ADGRL3: variants seen among roughly 807,000 people sequenced by gnomAD.
ADGRL3 encodes adhesion G protein-coupled receptor L3.
ADGRL3 carries 62 observed loss-of-function variants against 153.5 expected under a neutral mutation model. That is an observed-to-expected ratio of 0.40 (90% CI 0.33 to 0.50). ADGRL3 has a LOEUF of 0.50. Ranked by LOEUF, ADGRL3 falls within the 20% of genes least tolerant of loss-of-function variation. ADGRL3 has a pLI of 0.47. For synonymous variants in ADGRL3, 710 were observed against 672.5 expected (o/e 1.06, Z -0.86); for missense variants, 1,641 against 1,859.4 (o/e 0.88, Z 2.16).
chr4:61,981,595 A>G (rs2099068624), intron 18 of ADGRL3, among the ~76,000 whole-genome samples: 1 of 152,172 alleles, frequency 6.6e-6, no homozygotes, highest in Non-Finnish European at 1.5e-5. Context: ...AGAAAATATA[A>G]ATAATAGACA....
intron 8 of ADGRL3, among the ~76,000 whole-genome samples, chr4:61,801,950 T>A (rs925544855): frequency 6.6e-6 from 1 of 152,168 alleles, no homozygotes; most frequent in Non-Finnish European, 1.5e-5. Flanking sequence ...ATTTACCATG[T>A]TTTTTATTTG....
At chr4:61,245,677 T>C (rs564125617) in intron 1 of ADGRL3, among the ~76,000 whole-genome samples, 199 of 152,266 alleles carry the variant, frequency 1.3e-3, no homozygotes, top group Non-Finnish European at 2.1e-3. Context: ...GTTGCCAGTC[T>C]CAAAATGCAG....
At chr4:61,368,402 G>A (rs1312402079) in intron 1 of ADGRL3, among the ~76,000 whole-genome samples, 1 of 152,118 alleles carries the variant, frequency 6.6e-6, no homozygotes, top group Admixed American at 6.5e-5. Flanking sequence ...ATTGATTTTT[G>A]TATAAGGTGT....
At chr4:61,448,331 G>A (rs537400954) in intron 2 of ADGRL3, among the ~76,000 whole-genome samples, 3 of 152,232 alleles carry the variant, frequency 2.0e-5, no homozygotes, top group South Asian at 4.2e-4. Flanking sequence ...AGTGGAGATA[G>A]GAACAATAAT....
At chr4:61,440,832 A>G (rs1419232920) in intron 2 of ADGRL3, among the ~76,000 whole-genome samples, 2 of 152,220 alleles carry the variant, frequency 1.3e-5, no homozygotes, top group Non-Finnish European at 2.9e-5. Context: ...GACACCAACA[A>G]TAATAACAGA....
At chr4:61,775,707 G>A (rs1030294056) in intron 8 of ADGRL3, 3 of 1,303,794 alleles carry the variant, frequency 2.3e-6, no homozygotes, top group Non-Finnish European at 3.3e-6. Context: ...GCACACAAAG[G>A]TGGGCTTGGT....
intron 4 of ADGRL3, among the ~76,000 whole-genome samples, chr4:61,564,453 T>C (rs897194753): frequency 6.6e-6 from 1 of 152,154 alleles, no homozygotes; most frequent in Non-Finnish European, 1.5e-5. Context: ...TTCTGTATTT[T>C]TTGTAGAGAT....
intron 19 of ADGRL3, among the ~76,000 whole-genome samples, chr4:61,993,496 T>C (rs921910276): frequency 6.6e-6 from 1 of 151,748 alleles, no homozygotes; most frequent in Non-Finnish European, 1.5e-5. Context: ...TTCACCATGT[T>C]GGCCAGACTG....
intron 22 of ADGRL3, among the ~76,000 whole-genome samples, chr4:62,029,927 A>G (rs1721047578): frequency 6.6e-6 from 1 of 151,532 alleles, no homozygotes; most frequent in Non-Finnish European, 1.5e-5. Flanking sequence ...GAAAGTTAGT[A>G]TACTTCTGAA....
At chr4:61,805,735 G>T (rs1358019195) in intron 8 of ADGRL3, among the ~76,000 whole-genome samples, 1 of 151,874 alleles carries the variant, frequency 6.6e-6, no homozygotes, top group Non-Finnish European at 1.5e-5. Flanking sequence ...GTATTATTTT[G>T]GAAAAATAAA....
At chr4:61,613,898 C>T (rs965275067) in intron 5 of ADGRL3, among the ~76,000 whole-genome samples, 24 of 152,076 alleles carry the variant, frequency 1.6e-4, no homozygotes, top group Non-Finnish European at 2.9e-4. Flanking sequence ...CTGCTGCGTG[C>T]AAGATTCCAA....
chr4:61,815,741 G>A (rs1164105919), intron 9 of ADGRL3, among the ~76,000 whole-genome samples: 2 of 152,166 alleles, frequency 1.3e-5, no homozygotes, highest in African/African-American at 4.8e-5. Flanking sequence ...CCTAATGAAT[G>A]GATTGATGAC....
intron 1 of ADGRL3, among the ~76,000 whole-genome samples, chr4:61,294,481 AGGCT>A (rs1213529636): frequency 5.9e-5 from 9 of 152,138 alleles, no homozygotes; most frequent in Admixed American, 3.9e-4. Flanking sequence ...TTTTCAACTT[AGGCT>A]GGGTTTATTG....
chr4:61,867,515 C>CATATATATATATATATATATATATATAT lies in ADGRL3; in HGVS notation c.1481-25116_1481-25115insTATATATATATATATATATATATATATA, dbSNP rs3065826. 8.7e-3 allele frequency among the ~76,000 whole-genome samples: 702 copies of CATATATATATATATATATATATATATAT among 80,590 alleles called. 42 individuals are homozygous for CATATATATATATATATATATATATATAT. Among genetic ancestry groups the CATATATATATATATATATATATATATAT allele is most frequent in the Non-Finnish European group, 0.013 (477 of 36,164 alleles). 52.9% of individuals were successfully genotyped at this position (80,590 alleles called of 152,430 possible). ...ACCCTGTCTCAAAAAAATATATATG[C>CATATATATATATATATATATATATATAT]ATATATATATATATATATATATATA... is the stretch of plus-strand genomic sequence containing the variant. On this transcript the variant is annotated intron_variant, in intron 9 of 26. Transcript: ENST00000683033.
chr4:61,549,223 G>A (rs1018165346), intron 4 of ADGRL3, among the ~76,000 whole-genome samples: 15 of 151,876 alleles, frequency 9.9e-5, no homozygotes, highest in African/African-American at 3.6e-4. Context: ...ATCAGATCAA[G>A]GAGCTTTTGG....
intron 4 of ADGRL3, among the ~76,000 whole-genome samples, chr4:61,584,641 TG>T (rs905939719): frequency 3.3e-5 from 5 of 152,002 alleles, no homozygotes; most frequent in Admixed American, 2.0e-4. Context: ...ATCCAATGTT[TG>T]GAAGCAGTTT....
chr4:61,346,308 TACACACACACACACAC>T, intron 1 of ADGRL3, among the ~76,000 whole-genome samples: 1 of 144,546 alleles, frequency 6.9e-6, no homozygotes, highest in East Asian at 2.1e-4. Flanking sequence ...TGTCACAGTC[TACACACACACACACAC>T]ACACACACAC....
chr4:61,807,385 G>C (rs980159661), intron 8 of ADGRL3, among the ~76,000 whole-genome samples: 2 of 149,532 alleles, frequency 1.3e-5, no homozygotes, highest in African/African-American at 4.9e-5. Flanking sequence ...ATAGATATTT[G>C]AGACGTCATG....
intron 6 of ADGRL3, among the ~76,000 whole-genome samples, chr4:61,692,055 G>A (rs17226235): frequency 0.019 from 2,851 of 152,140 alleles, 76 homozygotes; most frequent in South Asian, 0.061. Context: ...TCTCCTACTC[G>A]ATTTTCTCTT....
Sources: allele counts gnomAD v4.1 joint callset (sites outside exome capture counted in the v4.1 genomes callset), GRCh38; gene constraint gnomAD v4.1.1; transcripts MANE v1.5; gene names NCBI Gene and HGNC (gene_info 2026-07-23, HGNC 2026-07-21).